OSTM1: variants seen among roughly 807,000 people sequenced by gnomAD.
OSTM1 encodes the protein osteopetrosis-associated transmembrane protein 1.
In OSTM1, 26 loss-of-function variants were observed where a neutral mutation model predicts 35.4. That is an observed-to-expected ratio of 0.73 (90% confidence interval 0.54 to 1.02). The LOEUF is 1.02. OSTM1 is among the 50% of genes least tolerant of loss of function. The pLI, the probability that OSTM1 is intolerant of heterozygous loss-of-function variation, is 0.00. For missense variants in OSTM1, 366 were observed against 409.6 expected (o/e 0.89, Z 0.92); for synonymous variants, 181 against 165.0 (o/e 1.10, Z -0.75).
intron 4 of OSTM1, among the ~76,000 whole-genome samples, chr6:108,050,280 G>C (rs747587199): frequency 2.7e-5 from 4 of 149,640 alleles, no homozygotes; most frequent in Non-Finnish European, 5.9e-5. Flanking sequence ...GATGGTAATA[G>C]ATATAAGAAA....
At chr6:108,060,963 G>GTA (rs1484887870) in intron 2 of OSTM1, 3 of 151,936 alleles carry the variant, frequency 2.0e-5, no homozygotes, top group Non-Finnish European at 4.4e-5. Flanking sequence ...GTGAATCCCA[G>GTA]TATATATCCA....
chr6:108,044,835 G>T lies in OSTM1; in HGVS notation c.955C>A (p.Arg319Ser). The T allele has an allele frequency of 1.3e-6, 2 of 1,537,350 alleles. No individual in the cohort carries two copies. Among genetic ancestry groups the T allele is most frequent in the Non-Finnish European group, 1.8e-6 (2 of 1,121,364 alleles). ...QKKRKLILPK[R>S]LKSSTSFANI... ...GCAAAACTGGTACTGGACTTGAGAC[G>T]TTTGGCTAGATAAATCAAAAGAATT... Residue 319 changes from arginine (R) to serine (S), a missense_variant, in exon 6 of 6, where the codon CGT (arginine) becomes AGT (serine). Physicochemically the swap from Arg to Ser is moderately radical, Grantham distance 110. Transcript: ENST00000193322.
intron 1 of OSTM1, among the ~76,000 whole-genome samples, chr6:108,074,020 A>G (rs1043691442): frequency 3.9e-5 from 6 of 152,144 alleles, no homozygotes; most frequent in African/African-American, 1.4e-4. Context: ...AAGAAAACCA[A>G]TCACACCTAT....
intron 5 of OSTM1, among the ~76,000 whole-genome samples, chr6:108,046,115 C>A (rs551397664): frequency 1.3e-5 from 2 of 151,248 alleles, no homozygotes; most frequent in South Asian, 4.2e-4. Context: ...CATTCTCCTG[C>A]CTCAGCCTCC....
chr6:108,044,792 G>C lies in OSTM1; in HGVS notation c.998C>G (p.Ser333Ter). The C allele has an allele frequency of 6.4e-7, 1 of 1,568,898 alleles. No individual in the cohort carries two copies. Among genetic ancestry groups the C allele is most frequent in the East Asian group, 2.3e-5 (1 of 44,296 alleles). ...TTCTCCATTTTGTAGGTCTCAGTTT[G>C]AATTTTCCTGAATATTTGCAAAACT... ...STSFANIQEN[S>*]N is the part of the protein sequence containing the mutation. The change falls in exon 6 of 6, where the codon TCA (serine) becomes TGA (stop). Residue 333 changes from serine to a stop codon, truncating the protein, a stop_gained. Transcript: ENST00000193322. LOFTEE classifies it high-confidence loss of function.
rs1771878453 is a variant in OSTM1 at position 108,042,198 on chromosome 6, A to C, written c.*2587T>G. On this transcript the variant is annotated 3_prime_UTR_variant, in exon 6 of 6. Transcript: ENST00000193322. ...TGTAATCCCAGCACTTTGGGAGGCTAAGGCAGGAGGATCTCTTGAACTCAG... is the reference window on the plus strand; with the variant it reads ...TGTAATCCCAGCACTTTGGGAGGCTCAGGCAGGAGGATCTCTTGAACTCAG... 1 of 148,864 alleles carries C rather than the reference A, an allele frequency of 6.7e-6. No individual in the cohort carries two copies. The highest frequency in any genetic ancestry group is 2.5e-5 in the African/African-American group (1 of 40,466). The allele number at this position is 148,864 out of a possible 1,614,324, so 9.2% of individuals were successfully genotyped here.
chr6:108,048,965 A>G (rs903184086), intron 5 of OSTM1, among the ~76,000 whole-genome samples: 2 of 151,870 alleles, frequency 1.3e-5, no homozygotes, highest in Middle Eastern at 3.4e-3. Flanking sequence ...GTTAGCCAGG[A>G]TGGTCTCGAT....
intron 2 of OSTM1, among the ~76,000 whole-genome samples, chr6:108,057,227 T>C (rs1325995448): frequency 6.6e-6 from 1 of 152,188 alleles, no homozygotes; most frequent in Admixed American, 6.6e-5. Context: ...AGAACTTGTC[T>C]CATTGCCCCT....
In OSTM1 at chr6:108,044,665, G is replaced by A; in HGVS notation, c.*120C>T. The A allele has an allele frequency of 1.7e-6, 1 of 604,342 alleles. No individual in the cohort carries two copies. 37.4% of individuals were successfully genotyped at this position (604,342 alleles called of 1,614,324 possible). On this transcript the variant is annotated 3_prime_UTR_variant, in exon 6 of 6. Transcript: ENST00000193322. ...AAAATTCTTATTTAAAAATGGATCT[G>A]AAGTCCTTGTATTTCTTAAGAGCTT...
Position 108,052,511 on chromosome 6 carries a change from CT to C in OSTM1, c.616-1314del, listed in dbSNP as rs35984071. ...TAATCTAGATGGGGAGTAATTTAAC[CT>C]TTTTTTTTTTTTTTTTTTTTGAGAC... is the stretch of plus-strand genomic sequence containing the variant. On this transcript the variant is annotated intron_variant, in intron 3 of 5. Transcript: ENST00000193322. Among the ~76,000 whole-genome samples the C allele has an allele frequency of 5.6e-3, 608 of 108,086 alleles. 2 individuals are homozygous for C. The highest frequency in any genetic ancestry group is 0.018 in the African/African-American group (484 of 27,410). 70.9% of individuals were successfully genotyped at this position (108,086 alleles called of 152,430 possible). A position where few individuals can be genotyped will look rare whatever the true frequency, so the allele number is the denominator to read the frequency against.
At chr6:108,052,986 G>GTGAA (rs1772105759) in intron 3 of OSTM1, among the ~76,000 whole-genome samples, 1 of 152,162 alleles carries the variant, frequency 6.6e-6, no homozygotes, top group South Asian at 2.1e-4. Flanking sequence ...AGCAGCTTGT[G>GTGAA]TGAACCTCTC....
intron 2 of OSTM1, among the ~76,000 whole-genome samples, chr6:108,058,239 TA>T (rs1440395910): frequency 6.6e-6 from 1 of 152,070 alleles, no homozygotes; most frequent in Non-Finnish European, 1.5e-5. Context: ...TATGCATCTT[TA>T]AATAAAGCAT....
intron 5 of OSTM1, 44 bp from the exon 6 acceptor site, chr6:108,044,884 T>A (rs1280572430): frequency 1.0e-6 from 1 of 980,010 alleles, no homozygotes; most frequent in Admixed American, 2.1e-5. Flanking sequence ...AATTTAATTA[T>A]CAAACATGAT....
rs752132846 is a variant in OSTM1, at chr6:108,074,644, G to A, written c.8C>T (p.Pro3Leu). ...CCTCCGCTGCGCGGCTGTCGGGCCC[G>A]GCTCCATCACCGGGCTCACACACCC... The part of the protein sequence containing the change: ME[P>L]GPTAAQRRCS... Residue 3 changes from proline (P) to leucine (L), a missense_variant, in exon 1 of 6, where the codon CCG becomes CTG. By Grantham distance (98) the Pro-to-Leu change is moderately conservative. This residue lies in a region of OSTM1 where 236 missense variants were observed against 239.3 expected (regional missense o/e 0.99). Transcript: ENST00000193322. 9.2e-5 allele frequency: 143 copies of A among 1,547,066 alleles called. No individual in the cohort carries two copies. The highest frequency in any genetic ancestry group is 1.1e-4 in the Non-Finnish European group (131 of 1,153,376).
intron 1 of OSTM1, among the ~76,000 whole-genome samples, chr6:108,065,169 C>G (rs1401087838): frequency 6.7e-6 from 1 of 149,680 alleles, no homozygotes; most frequent in African/African-American, 2.5e-5. Context: ...ATGAACAGAA[C>G]ATTTTAAAAC....
intron 2 of OSTM1, among the ~76,000 whole-genome samples, chr6:108,058,196 C>T (rs1282893433): frequency 6.6e-6 from 1 of 152,028 alleles, no homozygotes; most frequent in Non-Finnish European, 1.5e-5. Flanking sequence ...TAAGACCTCA[C>T]AGAGAAACCT....
At chr6:108,051,930 C>T (rs1293640196) in intron 3 of OSTM1, among the ~76,000 whole-genome samples, 1 of 152,144 alleles carries the variant, frequency 6.6e-6, no homozygotes, top group Non-Finnish European at 1.5e-5. Flanking sequence ...TTTCTATGCC[C>T]TTTATTCTTT....
chr6:108,071,903 G>A (rs1462709806), intron 1 of OSTM1, among the ~76,000 whole-genome samples: 2 of 152,156 alleles, frequency 1.3e-5, no homozygotes, highest in Admixed American at 6.5e-5. Flanking sequence ...AAAGGAAGGG[G>A]GTTTCTACAA....
At chr6:108,074,210 C>A (rs1023196967) in intron 1 of OSTM1, 40 bp downstream of exon 1, 1 of 1,604,228 alleles carries the variant, frequency 6.2e-7, no homozygotes, top group Non-Finnish European at 8.5e-7. Context: ...CCTTTCCCAA[C>A]TCTCCTGAGC....
Sources: gnomAD v4.1 joint callset for allele counts (sites outside exome capture counted in the v4.1 genomes callset) on GRCh38, gnomAD v4.1.1 for gene constraint, gnomAD v4.1.1 regional missense constraint, MANE v1.5 for transcripts, NCBI Gene and HGNC (gene_info 2026-07-23, HGNC 2026-07-21) for gene names.